The following MECOM variants were observed in gnomAD, a reference collection of about 807,000 sequenced individuals.
MECOM encodes the protein histone-lysine N-methyltransferase MECOM.
Under a neutral mutation model 116.3 loss-of-function variants are expected in MECOM, and 13 were observed. The observed-to-expected ratio is 0.11, with a 90% CI of 0.07 to 0.18. MECOM has a LOEUF of 0.18. MECOM is among the 10% of genes least tolerant of loss of function. The pLI is 1.00. For missense variants in MECOM, 1,299 were observed against 1,509.0 expected (o/e 0.86, Z 2.31); for synonymous variants, 528 against 535.2 (o/e 0.99, Z 0.19).
intron 1 of MECOM, among the ~76,000 whole-genome samples, chr3:169,412,764 A>T (rs1737767726): frequency 6.6e-6 from 1 of 152,066 alleles, no homozygotes; most frequent in South Asian, 2.1e-4. Flanking sequence ...ACTGAAACAT[A>T]TAAGAACATC....
At chr3:169,466,549 G>C (rs1315273410) in intron 1 of MECOM, among the ~76,000 whole-genome samples, 1 of 152,148 alleles carries the variant, frequency 6.6e-6, no homozygotes, top group African/African-American at 2.4e-5. Flanking sequence ...AACCAATCCA[G>C]AGTCTGAGTG....
chr3:169,125,149 A>C (rs1394658873), intron 5 of MECOM, among the ~76,000 whole-genome samples: 9 of 152,140 alleles, frequency 5.9e-5, no homozygotes. Context: ...CTCTGTGAAC[A>C]AAAGGTACTA....
intron 1 of MECOM, among the ~76,000 whole-genome samples, chr3:169,643,236 T>A (rs1266304501): frequency 6.6e-6 from 1 of 152,220 alleles, no homozygotes; most frequent in Non-Finnish European, 1.5e-5. Context: ...TAACATTGCA[T>A]ATTTATGAGG....
rs1716955913 is a variant in MECOM at position 169,084,134 on chromosome 3, A to G, written c.*775T>C. The stretch of plus-strand genomic sequence containing the variant: ...CAAATAAATACATGATACACGCAAC[A>G]CACACAAAAAAATAAACATTAAAAA... On this transcript the variant is annotated 3_prime_UTR_variant, in exon 17 of 17. Coordinates refer to ENST00000651503, the MANE Select transcript of MECOM (RefSeq NM_004991.4). 4.3e-6 allele frequency: 1 copy of G among 232,006 alleles called. No homozygotes were observed. Among genetic ancestry groups the G allele is most frequent in the Non-Finnish European group, 8.5e-6 (1 of 117,246 alleles). 14.4% of individuals were successfully genotyped at this position (232,006 alleles called of 1,614,324 possible).
chr3:169,606,192 A>C (rs1312024827), intron 1 of MECOM, among the ~76,000 whole-genome samples: 2 of 152,134 alleles, frequency 1.3e-5, no homozygotes, highest in African/African-American at 4.8e-5. Context: ...CGGGTGTATC[A>C]TCTGAGATCA....
intron 2 of MECOM, among the ~76,000 whole-genome samples, chr3:169,198,140 T>C (rs1195431583): frequency 6.6e-6 from 1 of 152,074 alleles, no homozygotes; most frequent in African/African-American, 2.4e-5. Context: ...ATATGTAAAC[T>C]ACTTATGATT....
intron 1 of MECOM, among the ~76,000 whole-genome samples, chr3:169,399,203 C>G (rs994474536): frequency 2.6e-5 from 4 of 152,114 alleles, no homozygotes; most frequent in African/African-American, 9.7e-5. Flanking sequence ...ACTAGATGCT[C>G]AAATTCAAAT....
At chr3:169,417,023 T>A (rs1241805992) in intron 1 of MECOM, among the ~76,000 whole-genome samples, 9 of 151,894 alleles carry the variant, frequency 5.9e-5, no homozygotes, top group Admixed American at 2.0e-4. Flanking sequence ...AACCTAGGCA[T>A]TACCATTCAG....
intron 2 of MECOM, among the ~76,000 whole-genome samples, chr3:169,184,466 C>T (rs1559964720): frequency 6.6e-6 from 1 of 152,172 alleles, no homozygotes; most frequent in East Asian, 1.9e-4. Context: ...CCATGTATAT[C>T]AGTCTAACAA....
chr3:169,361,353 A>G, intron 2 of MECOM, among the ~76,000 whole-genome samples: 1 of 151,818 alleles, frequency 6.6e-6, no homozygotes, highest in East Asian at 2.0e-4. Flanking sequence ...CAGAAAGGGG[A>G]CAATATTTAA....
intron 12 of MECOM, among the ~76,000 whole-genome samples, chr3:169,099,339 T>C (rs1246163634): frequency 6.6e-6 from 1 of 152,168 alleles, no homozygotes; most frequent in Non-Finnish European, 1.5e-5. Context: ...GTGGAAACCT[T>C]TCCTTCCACT....
chr3:169,413,851 G>T (rs1405535653), intron 1 of MECOM, among the ~76,000 whole-genome samples: 3 of 152,148 alleles, frequency 2.0e-5, no homozygotes, highest in Admixed American at 6.5e-5. Context: ...CTCCTCTCTG[G>T]GCAAGCCATC....
chr3:169,382,855 AAAAAAAAAAT>A (rs1732648990), intron 1 of MECOM, among the ~76,000 whole-genome samples: 1 of 109,344 alleles, frequency 9.1e-6, no homozygotes, highest in African/African-American at 3.6e-5. Flanking sequence ...ATCTCAAAAA[AAAAAAAAAAT>A]AAAAAAAATA....
chr3:169,657,123 C>A (rs1442518992), intron 1 of MECOM, among the ~76,000 whole-genome samples: 1 of 152,174 alleles, frequency 6.6e-6, no homozygotes, highest in Non-Finnish European at 1.5e-5. Context: ...TTCAGACAAC[C>A]ATTTAGAACA....
chr3:169,510,577 C>A (rs1008281000), intron 1 of MECOM, among the ~76,000 whole-genome samples: 1 of 152,180 alleles, frequency 6.6e-6, no homozygotes, highest in Admixed American at 6.5e-5. Flanking sequence ...CAGTTCCCAG[C>A]CTTAATTATA....
intron 3 of MECOM, among the ~76,000 whole-genome samples, chr3:169,141,051 G>C (rs544510985): frequency 6.6e-6 from 1 of 151,954 alleles, no homozygotes; most frequent in Non-Finnish European, 1.5e-5. Flanking sequence ...GATTAAACTT[G>C]ATCTTTTAAC....
chr3:169,438,377 G>A (rs1743057667), intron 1 of MECOM, among the ~76,000 whole-genome samples: 1 of 152,176 alleles, frequency 6.6e-6, no homozygotes, highest in South Asian at 2.1e-4. Flanking sequence ...AGAGTCCGTA[G>A]TTTATTTCAG....
chr3:169,323,930 C>T (rs540289030), intron 2 of MECOM, among the ~76,000 whole-genome samples: 1 of 152,230 alleles, frequency 6.6e-6, no homozygotes, highest in East Asian at 1.9e-4. Context: ...GCCTCCTTGG[C>T]TATTTTTCAG....
chr3:169,464,771 A>T (rs1748015313), intron 1 of MECOM, among the ~76,000 whole-genome samples: 1 of 152,260 alleles, frequency 6.6e-6, no homozygotes, highest in East Asian at 1.9e-4. Flanking sequence ...TGAGAAGAAG[A>T]GCAACTCCAC....
Sources: allele counts gnomAD v4.1 joint callset (sites outside exome capture counted in the v4.1 genomes callset), GRCh38; gene constraint gnomAD v4.1.1; transcripts MANE v1.5; gene names NCBI Gene and HGNC (gene_info 2026-07-23, HGNC 2026-07-21).